Variants in CEP192 observed in about 807,000 individuals in gnomAD.
The protein encoded by CEP192 is centrosomal protein of 192 kDa.
A neutral mutation model predicts 271.8 loss-of-function variants in CEP192; 151 were observed. The observed-to-expected ratio is 0.56, with a 90% confidence interval of 0.49 to 0.64. The LOEUF is 0.64. Ranked by LOEUF, CEP192 falls within the 30% of genes least tolerant of loss-of-function variation. The probability of loss-of-function intolerance (pLI) is 0.00; values close to 1 mark genes in which losing one functional copy is unlikely to be tolerated. For missense variants in CEP192, 2,910 were observed against 3,020.5 expected, an observed-to-expected ratio of 0.96 and a Z score of 0.86; for synonymous variants, 995 against 1,076.5, an observed-to-expected ratio of 0.92 and a Z score of 1.48.
chr18:13,121,451 A>G (rs894891739), intron 44 of CEP192, among the ~76,000 whole-genome samples: 1 of 152,190 alleles, frequency 6.6e-6, no homozygotes, highest in Non-Finnish European at 1.5e-5. Flanking sequence ...AGCTGATTCT[A>G]GCTTAAGGAG....
In CEP192 at chr18:13,049,426, G is replaced by A. The variant is rs1418778917; in HGVS notation, c.2635G>A (p.Val879Met). Residue 879 changes from valine (V) to methionine (M), a missense_variant, in exon 16 of 45, where the codon GTG becomes ATG. Coordinates refer to ENST00000506447, the MANE Select transcript of CEP192 (RefSeq NM_032142.4). ...NRENNSAVVD[V>M]KTCSIDNKLQ... ...AGAGAATAACAGTGCAGTAGTTGAT[G>A]TGAAGACATGTTCCATTGACAACAA... The A allele has an allele frequency of 1.7e-5, 28 of 1,614,016 alleles. No homozygotes were observed. The Admixed American group carries it at 4.0e-4, about 23-fold the overall frequency.
At chr18:13,086,987 A>G (rs2038924917) in intron 30 of CEP192, 30 bp from the exon 31 acceptor site, 2 of 1,512,764 alleles carry the variant, frequency 1.3e-6, no homozygotes, top group Non-Finnish European at 1.8e-6. Context: ...TTAACATTAA[A>G]ATAATTTTGG....
At chr18:13,030,718 G>A in intron 11 of CEP192, 110 bp downstream of exon 11, 1 of 810,380 alleles carries the variant, frequency 1.2e-6, no homozygotes, top group South Asian at 2.1e-5. Flanking sequence ...GACTATCACT[G>A]TATTCTGGAA....
intron 9 of CEP192, 47 bp from the exon 10 acceptor site, chr18:13,029,616 A>G: frequency 8.6e-7 from 1 of 1,159,800 alleles, no homozygotes; most frequent in Non-Finnish European, 1.2e-6. Context: ...TATAAAAAAC[A>G]AGACTTACTG....
intron 33 of CEP192, 94 bp downstream of exon 33, chr18:13,089,659 G>C: frequency 1.6e-6 from 1 of 632,694 alleles, no homozygotes; most frequent in Non-Finnish European, 2.8e-6. Flanking sequence ...GGAAGTGTTA[G>C]TTTAGATGCA....
intron 21 of CEP192, among the ~76,000 whole-genome samples, chr18:13,067,453 G>A (rs2037771383): frequency 6.6e-6 from 1 of 152,092 alleles, no homozygotes; most frequent in African/African-American, 2.4e-5. Flanking sequence ...TTTAACATTT[G>A]CAGATTAAAT....
rs2035349052 is a variant in CEP192 at position 13,027,164 on chromosome 18, T to C, written c.1051-2499T>C. On this transcript the variant is annotated intron_variant, in intron 9 of 44. Transcript: ENST00000506447. ...GATGGACAGGGTGGCTAGAGGGAGC[T>C]GGAGTTGGGTATTTAACTTTCCCCA... Among the ~76,000 whole-genome samples the C allele has an allele frequency of 2.0e-5, 3 of 152,260 alleles. No homozygotes were observed. The South Asian group carries it at 6.2e-4, about 32-fold the overall frequency.
At chr18:13,024,786 T>G (rs925719783) in intron 9 of CEP192, among the ~76,000 whole-genome samples, 2 of 151,708 alleles carry the variant, frequency 1.3e-5, no homozygotes, top group Non-Finnish European at 2.9e-5. Context: ...ATTTATTTTT[T>G]TGAGACCGAG....
At chr18:13,033,258 C>G (rs1364132047) in intron 11 of CEP192, among the ~76,000 whole-genome samples, 1 of 152,102 alleles carries the variant, frequency 6.6e-6, no homozygotes, top group Admixed American at 6.5e-5. Flanking sequence ...AGAAAAAGAC[C>G]AACTACCCCA....
chr18:13,055,926 T>A lies in CEP192; in HGVS notation c.3336T>A (p.Ser1112=). 6.2e-7 allele frequency: 1 copy of A among 1,614,148 alleles called. No individual in the cohort carries two copies. The highest frequency in any genetic ancestry group is 2.2e-5 in the East Asian group (1 of 44,880). The stretch of plus-strand genomic sequence containing the variant: ...TATCATCTATTATCCAGAATAACTC[T>A]GATACAAGAAAAGCAACTGAAACTA... ...GTLSSIIQNN[S]DTRKATETTS... The change falls in exon 19 of 45, where the codon TCT becomes TCA. Residue 1112 remains serine, a synonymous_variant. Transcript: ENST00000506447.
At chr18:13,098,423 C>T (rs1474339483) in intron 36 of CEP192, among the ~76,000 whole-genome samples, 28 of 146,910 alleles carry the variant, frequency 1.9e-4, no homozygotes, top group Non-Finnish European at 3.8e-4. Flanking sequence ...ACTTCTCAGA[C>T]GGGGCGGCTG....
At chr18:13,053,319 C>T (rs766994597) in intron 18 of CEP192, among the ~76,000 whole-genome samples, 23 of 152,164 alleles carry the variant, frequency 1.5e-4, no homozygotes, top group Non-Finnish European at 2.6e-4. Context: ...TGGTGAGGCA[C>T]GCTGTGTAAT....
intron 15 of CEP192, among the ~76,000 whole-genome samples, chr18:13,043,971 A>C (rs1458591853): frequency 6.6e-6 from 1 of 152,180 alleles, no homozygotes; most frequent in Non-Finnish European, 1.5e-5. Context: ...TGGGGTATCC[A>C]TCCCCTCAAG....
intron 7 of CEP192, among the ~76,000 whole-genome samples, chr18:13,017,829 C>T (rs993939981): frequency 6.6e-6 from 1 of 152,178 alleles, no homozygotes; most frequent in African/African-American, 2.4e-5. Context: ...TTTATTCTTA[C>T]TATTTTTTAT....
chr18:13,070,283 C>T (rs922035696), intron 27 of CEP192, among the ~76,000 whole-genome samples: 5 of 152,202 alleles, frequency 3.3e-5, no homozygotes, highest in African/African-American at 7.2e-5. Flanking sequence ...TGGTGTGACT[C>T]TGTTTAATCT....
At chr18:12,994,535 G>T (rs1355162680) in intron 1 of CEP192, among the ~76,000 whole-genome samples, 4 of 151,978 alleles carry the variant, frequency 2.6e-5, no homozygotes, top group Non-Finnish European at 5.9e-5. Context: ...TTAATTGTAG[G>T]GTGGCAAGAA....
At chr18:13,100,587 G>C (rs763866438) in intron 38 of CEP192, 75 bp downstream of exon 38, 21 of 1,189,210 alleles carry the variant, frequency 1.8e-5, no homozygotes, top group Non-Finnish European at 2.5e-5. Context: ...TTAGCCATAA[G>C]TTGGTGATAA....
intron 41 of CEP192, 128 bp downstream of exon 41, chr18:13,113,833 TATTA>T: frequency 1.1e-6 from 1 of 927,016 alleles, no homozygotes. Flanking sequence ...TGTTTGTCTT[TATTA>T]ATTGGCATGT....
chr18:13,038,639 T>G, intron 13 of CEP192, 60 bp downstream of exon 13: 1 of 1,263,424 alleles, frequency 7.9e-7, no homozygotes, highest in East Asian at 2.5e-5. Flanking sequence ...TTGAGTATTA[T>G]GATGGCACAG....
Sources: gnomAD v4.1 joint callset for allele counts (sites outside exome capture counted in the v4.1 genomes callset) on GRCh38, gnomAD v4.1.1 for gene constraint, MANE v1.5 for transcripts, NCBI Gene and HGNC (gene_info 2026-07-23, HGNC 2026-07-21) for gene names.